Variants in CDH20 observed in about 807,000 individuals in gnomAD.
CDH20 encodes cadherin 20, also known as cadherin-20.
Under a neutral mutation model 74.2 loss-of-function variants are expected in CDH20, and 29 were observed. The ratio of observed to expected loss-of-function variants is 0.39; its 90% CI spans 0.29 to 0.53. CDH20 has a LOEUF of 0.53. Among genes scored for constraint, CDH20 ranks in the 20% least tolerant of loss-of-function variants. CDH20 has a pLI of 0.69. For synonymous variants in CDH20, 469 were observed against 405.4 expected (o/e 1.16, Z -1.88); for missense variants, 988 against 1,048.3 (o/e 0.94, Z 0.79).
At chr18:61,533,942 G>A (rs935953649) in intron 7 of CDH20, among the ~76,000 whole-genome samples, 1 of 152,128 alleles carries the variant, frequency 6.6e-6, no homozygotes, top group Admixed American at 6.5e-5. Flanking sequence ...GTAGACCCAT[G>A]AGTTTTTTTC....
chr18:61,525,855 A>G (rs1459439637), intron 6 of CDH20, among the ~76,000 whole-genome samples: 1 of 152,040 alleles, frequency 6.6e-6, no homozygotes, highest in East Asian at 1.9e-4. Context: ...CACTCAGGCT[A>G]CGGTGCAGTG....
intron 7 of CDH20, among the ~76,000 whole-genome samples, chr18:61,528,446 G>GACACATACACACAC (rs1555683469): frequency 1.0e-5 from 1 of 97,714 alleles, no homozygotes; most frequent in Non-Finnish European, 2.2e-5. Context: ...AATTGGTTGA[G>GACACATACACACAC]ACACACACAC....
At chr18:61,473,191 T>A (rs1910246338) in intron 1 of CDH20, among the ~76,000 whole-genome samples, 1 of 152,346 alleles carries the variant, frequency 6.6e-6, no homozygotes, top group African/African-American at 2.4e-5. Flanking sequence ...AAATAGATTT[T>A]TATCTCTCTC....
At chr18:61,433,255 A>G (rs1908714957) in intron 1 of CDH20, among the ~76,000 whole-genome samples, 1 of 152,188 alleles carries the variant, frequency 6.6e-6, no homozygotes, top group Admixed American at 6.5e-5. Context: ...ATAAATGGCA[A>G]GTGTTACTAA....
chr18:61,467,533 G>A (rs913826469), intron 1 of CDH20, among the ~76,000 whole-genome samples: 79 of 152,202 alleles, frequency 5.2e-4, no homozygotes, highest in African/African-American at 1.3e-3. Flanking sequence ...TAACTACCAT[G>A]AAATCCCAAG....
intron 1 of CDH20, among the ~76,000 whole-genome samples, chr18:61,459,129 T>C (rs778277824): frequency 1.3e-5 from 2 of 152,234 alleles, no homozygotes; most frequent in African/African-American, 2.4e-5. Context: ...TCTTTTTTAT[T>C]TAAAGCTTTT....
At chr18:61,428,722 C>T in intron 1 of CDH20, among the ~76,000 whole-genome samples, 1 of 152,210 alleles carries the variant, frequency 6.6e-6, no homozygotes, top group Middle Eastern at 3.2e-3. Flanking sequence ...CACCACATCT[C>T]TCAGACACTA....
intron 1 of CDH20, among the ~76,000 whole-genome samples, chr18:61,482,340 A>T (rs1428068973): frequency 6.6e-6 from 1 of 152,196 alleles, no homozygotes; most frequent in Admixed American, 6.5e-5. Context: ...TAACCCAGGC[A>T]CAGAAGTTTA....
intron 1 of CDH20, among the ~76,000 whole-genome samples, chr18:61,336,056 G>A (rs1244530407): frequency 6.6e-6 from 1 of 152,200 alleles, no homozygotes; most frequent in Non-Finnish European, 1.5e-5. Context: ...TGTAGTAAGT[G>A]CTGAGGGTTG....
intron 1 of CDH20, among the ~76,000 whole-genome samples, chr18:61,341,792 A>G (rs1909960760): frequency 1.3e-5 from 2 of 152,228 alleles, no homozygotes; most frequent in South Asian, 4.1e-4. Context: ...TTGTGCTACC[A>G]TTAATATCAA....
chr18:61,349,492 T>C (rs2144108912), intron 1 of CDH20, among the ~76,000 whole-genome samples: 1 of 152,358 alleles, frequency 6.6e-6, no homozygotes, highest in Non-Finnish European at 1.5e-5. Flanking sequence ...GATTCTATAA[T>C]GACTCCATTC....
At chr18:61,404,284 G>T (rs984564841) in intron 1 of CDH20, among the ~76,000 whole-genome samples, 2 of 152,208 alleles carry the variant, frequency 1.3e-5, no homozygotes, top group Admixed American at 6.5e-5. Flanking sequence ...AGAGTGAGGA[G>T]TAATGCATGT....
intron 1 of CDH20, among the ~76,000 whole-genome samples, chr18:61,459,283 T>G (rs952095179): frequency 6.6e-6 from 1 of 152,188 alleles, no homozygotes; most frequent in African/African-American, 2.4e-5. Flanking sequence ...AGGTTCAATG[T>G]AGATAAGCCT....
intron 1 of CDH20, among the ~76,000 whole-genome samples, chr18:61,480,776 A>G (rs1240965715): frequency 6.6e-6 from 1 of 152,240 alleles, no homozygotes; most frequent in Non-Finnish European, 1.5e-5. Flanking sequence ...GTATTTCTGC[A>G]AATGATGCTT....
chr18:61,408,855 CAGATT>C (rs1555674239), intron 1 of CDH20, among the ~76,000 whole-genome samples: 1 of 152,126 alleles, frequency 6.6e-6, no homozygotes, highest in Non-Finnish European at 1.5e-5. Flanking sequence ...TGTGGACTTA[CAGATT>C]GTCTAATTTT....
intron 1 of CDH20, among the ~76,000 whole-genome samples, chr18:61,474,559 C>A (rs969637494): frequency 6.6e-6 from 1 of 152,176 alleles, no homozygotes; most frequent in African/African-American, 2.4e-5. Flanking sequence ...GGATTCTACT[C>A]TTTTAATATT....
chr18:61,521,184 T>C (rs993176940), intron 6 of CDH20, among the ~76,000 whole-genome samples: 3 of 150,554 alleles, frequency 2.0e-5, no homozygotes, highest in Admixed American at 2.0e-4. Flanking sequence ...CTAGCCACAC[T>C]AATAAAAAAG....
Position 61,550,194 on chromosome 18 carries a change from T to A in CDH20, c.1865T>A (p.Leu622His). The change falls in exon 11 of 12, where the codon CTC becomes CAC. Residue 622 changes from leucine to histidine, a missense_variant. By Grantham distance (99) the Leu-to-His change is moderately conservative (BLOSUM62 -3). This residue lies in a region of CDH20 where 375 missense variants were observed against 293.1 expected (regional missense o/e 1.28). Coordinates refer to ENST00000262717, the MANE Select transcript of CDH20 (RefSeq NM_031891.4). ...CCAGTCAGTTTGAGCCGGGGCGCCCTCATTGCCATCCTCGCCTGCATCTTT... is the reference window on the plus strand; with the variant it reads ...CCAGTCAGTTTGAGCCGGGGCGCCCACATTGCCATCCTCGCCTGCATCTTT... The part of the protein sequence containing the change: ...MLPVSLSRGA[L>H]IAILACIFVL... 6.2e-7 allele frequency: 1 copy of A among 1,613,956 alleles called. No homozygotes were observed. Among genetic ancestry groups the A allele is most frequent in the Non-Finnish European group, 8.5e-7 (1 of 1,180,008 alleles).
chr18:61,554,879 AC>A lies in CDH20; in HGVS notation c.*187del. 7.2e-7 allele frequency: 1 copy of A among 1,390,102 alleles called. No individual in the cohort carries two copies. Among genetic ancestry groups the A allele is most frequent in the Non-Finnish European group, 9.3e-7 (1 of 1,073,776 alleles). The allele number at this position is 1,390,102 out of a possible 1,614,324, so 86.1% of individuals were successfully genotyped here. A position where few individuals can be genotyped will look rare whatever the true frequency, so the allele number is the denominator to read the frequency against. ...GATTAAGTTAAATAAGCAAAAGGAA[AC>A]CCAGAAGGAAGAGGGCAGAATCTTT... On this transcript the variant is annotated 3_prime_UTR_variant, in exon 12 of 12. Transcript: ENST00000262717.
Sources: allele counts gnomAD v4.1 joint callset (sites outside exome capture counted in the v4.1 genomes callset), GRCh38; gene constraint gnomAD v4.1.1; regional missense constraint gnomAD v4.1.1; transcripts MANE v1.5; gene names NCBI Gene and HGNC (gene_info 2026-07-23, HGNC 2026-07-21).